The following FAM135B variants were observed in gnomAD, a reference collection of about 807,000 sequenced individuals.
FAM135B encodes protein FAM135B.
FAM135B carries 43 observed loss-of-function variants against 127.7 expected under a neutral mutation model. The ratio of observed to expected loss-of-function variants is 0.34; its 90% CI spans 0.26 to 0.43. The LOEUF (loss-of-function observed/expected upper bound fraction) is 0.43, where lower values mean the gene tolerates loss of function less well. Among genes scored for constraint, FAM135B ranks in the 20% least tolerant of loss-of-function variants. The pLI is 1.00. For synonymous variants in FAM135B, 670 were observed against 665.1 expected, an observed-to-expected ratio of 1.01 and a Z score of -0.11; for missense variants, 1,558 against 1,725.6, an observed-to-expected ratio of 0.90 and a Z score of 1.72.
intron 3 of FAM135B, chr8:138,308,989 A>C (rs113087643): frequency 6.6e-6 from 3 of 454,904 alleles, no homozygotes. Flanking sequence ...CTGGCTACTT[A>C]CCTTGTGCTG....
At chr8:138,155,099 A>T (rs1818589299) in intron 12 of FAM135B, among the ~76,000 whole-genome samples, 1 of 152,220 alleles carries the variant, frequency 6.6e-6, no homozygotes, top group Admixed American at 6.5e-5. Context: ...TGGATCTCTC[A>T]GCAACAACTC....
intron 17 of FAM135B, among the ~76,000 whole-genome samples, chr8:138,140,358 G>T (rs1197129717): frequency 6.6e-6 from 1 of 152,112 alleles, no homozygotes; most frequent in Non-Finnish European, 1.5e-5. Context: ...CCACATAATG[G>T]GTTTGAACAA....
intron 1 of FAM135B, among the ~76,000 whole-genome samples, chr8:138,442,276 A>ATATATG (rs1835846958): frequency 2.1e-5 from 3 of 139,860 alleles, no homozygotes; most frequent in Non-Finnish European, 4.7e-5. Context: ...ATATATATAT[A>ATATATG]TGAAAAACCT....
At chr8:138,237,398 T>C (rs1820385782) in intron 7 of FAM135B, among the ~76,000 whole-genome samples, 1 of 152,140 alleles carries the variant, frequency 6.6e-6, no homozygotes, top group East Asian at 1.9e-4. Flanking sequence ...TGACCTTTGG[T>C]GATCTGCCCG....
chr8:138,229,823 G>A (rs569580700), intron 7 of FAM135B, among the ~76,000 whole-genome samples: 2 of 152,282 alleles, frequency 1.3e-5, no homozygotes, highest in African/African-American at 2.4e-5. Context: ...TGAGTGCTGA[G>A]AGAACGGGGA....
chr8:138,430,877 G>C (rs1835154998), intron 1 of FAM135B, among the ~76,000 whole-genome samples: 1 of 152,078 alleles, frequency 6.6e-6, no homozygotes, highest in Non-Finnish European at 1.5e-5. Context: ...CCATGGATAG[G>C]TTATTTCACC....
intron 9 of FAM135B, among the ~76,000 whole-genome samples, chr8:138,178,952 G>A (rs1226310970): frequency 6.6e-6 from 1 of 152,146 alleles, no homozygotes; most frequent in Non-Finnish European, 1.5e-5. Context: ...CCTTAGTCTA[G>A]CAGGCAAGAT....
At chr8:138,161,523 T>C (rs1217501758) in intron 12 of FAM135B, among the ~76,000 whole-genome samples, 1 of 152,254 alleles carries the variant, frequency 6.6e-6, no homozygotes, top group Non-Finnish European at 1.5e-5. Flanking sequence ...ATTTTTATTT[T>C]CTTTAAAAAG....
At chr8:138,307,197 T>C (rs533911748) in intron 3 of FAM135B, among the ~76,000 whole-genome samples, 29 of 152,164 alleles carry the variant, frequency 1.9e-4, no homozygotes, top group Non-Finnish European at 3.5e-4. Flanking sequence ...GTTATTGTGA[T>C]AGTGAATAGG....
intron 1 of FAM135B, among the ~76,000 whole-genome samples, chr8:138,427,882 C>T (rs1159651447): frequency 2.6e-5 from 4 of 152,122 alleles, no homozygotes; most frequent in African/African-American, 9.7e-5. Flanking sequence ...CAAATATGCC[C>T]CATGGATTTC....
intron 1 of FAM135B, among the ~76,000 whole-genome samples, chr8:138,418,090 A>G (rs1014173100): frequency 6.6e-6 from 1 of 152,186 alleles, no homozygotes; most frequent in African/African-American, 2.4e-5. Flanking sequence ...TGAAATGGCT[A>G]TTTTAAGAAA....
chr8:138,487,640 T>A (rs7008827), intron 1 of FAM135B, among the ~76,000 whole-genome samples: 1 of 128,330 alleles, frequency 7.8e-6, no homozygotes, highest in African/African-American at 3.0e-5. Flanking sequence ...TGTGTGGGGG[T>A]GGGGGCGGGG....
At chr8:138,458,502 A>G (rs1385173098) in intron 1 of FAM135B, among the ~76,000 whole-genome samples, 1 of 152,196 alleles carries the variant, frequency 6.6e-6, no homozygotes, top group Non-Finnish European at 1.5e-5. Context: ...AAAGAATCTG[A>G]AAATATTTCC....
chr8:138,305,038 A>G (rs1826139810), intron 3 of FAM135B, among the ~76,000 whole-genome samples: 1 of 152,206 alleles, frequency 6.6e-6, no homozygotes, highest in Non-Finnish European at 1.5e-5. Flanking sequence ...TTACCTGCTT[A>G]GAATTCTCCA....
At chr8:138,481,105 T>C (rs1450884880) in intron 1 of FAM135B, among the ~76,000 whole-genome samples, 1 of 152,234 alleles carries the variant, frequency 6.6e-6, no homozygotes. Flanking sequence ...ATAGAGACCA[T>C]GCCTGCCTTG....
rs1384002781 is a variant in FAM135B, at chr8:138,242,547, A to C, written c.669+395T>G. ...TTAGCTATTGGGGAGCCCACTCTAC[A>C]GGTGGGAAAACTGATGTTCAGAGAG... On this transcript the variant is annotated intron_variant, in intron 7 of 19. Coordinates refer to ENST00000395297, the MANE Select transcript of FAM135B (RefSeq NM_015912.4). This position sits in a 1 kb window ranked among gnomAD's most constrained non-coding sequence, Gnocchi z 9.6. Among the ~76,000 whole-genome samples, 1 of 152,132 alleles carries C rather than the reference A, an allele frequency of 6.6e-6. No homozygotes were observed. Among genetic ancestry groups the C allele is most frequent in the African/African-American group, 2.4e-5 (1 of 41,428 alleles).
intron 1 of FAM135B, among the ~76,000 whole-genome samples, chr8:138,477,610 T>C (rs549221293): frequency 2.0e-5 from 3 of 152,314 alleles, no homozygotes; most frequent in South Asian, 2.1e-4. Flanking sequence ...CAGGCACTAC[T>C]AGTTTCTTAG....
At chr8:138,419,784 A>G (rs1321703630) in intron 1 of FAM135B, among the ~76,000 whole-genome samples, 1 of 152,160 alleles carries the variant, frequency 6.6e-6, no homozygotes, top group Non-Finnish European at 1.5e-5. Flanking sequence ...ACAGAAATCA[A>G]TGTTTTGAAA....
In FAM135B at chr8:138,183,416, C is replaced by T. The variant is rs74883849; in HGVS notation, c.874-4726G>A. On this transcript the variant is annotated intron_variant, in intron 9 of 19. Coordinates refer to ENST00000395297, the MANE Select transcript of FAM135B (RefSeq NM_015912.4). ...AAGCAATGCAGCCTCTCATTAACCC[C>T]TCTACATGCTGTGTAGACCTGCATG... Among the ~76,000 whole-genome samples the T allele has an allele frequency of 8.6e-4, 131 of 152,270 alleles. No individual in the cohort carries two copies. In the East Asian group the frequency reaches 0.017, roughly 19 times the overall value.
Sources: gnomAD v4.1 joint callset for allele counts (sites outside exome capture counted in the v4.1 genomes callset) on GRCh38, gnomAD v4.1.1 for gene constraint, Gnocchi (gnomAD v3.1) non-coding constraint, MANE v1.5 for transcripts, NCBI Gene and HGNC (gene_info 2026-07-23, HGNC 2026-07-21) for gene names.